Variants in UNC5C observed in about 807,000 individuals in gnomAD.
UNC5C encodes unc-5 netrin receptor C.
A neutral mutation model predicts 99.8 loss-of-function variants in UNC5C; 47 were observed. The ratio of observed to expected loss-of-function variants is 0.47; its 90% CI spans 0.37 to 0.60. The LOEUF is 0.60. Ranked by LOEUF, UNC5C falls within the 20% of genes least tolerant of loss-of-function variation. The pLI, the probability that UNC5C is intolerant of heterozygous loss-of-function variation, is 0.00. For synonymous variants in UNC5C, 487 were observed against 452.2 expected (o/e 1.08, Z -0.98); for missense variants, 1,062 against 1,165.9 (o/e 0.91, Z 1.30).
At chr4:95,466,652 G>A (rs1014011598) in intron 1 of UNC5C, among the ~76,000 whole-genome samples, 7 of 151,784 alleles carry the variant, frequency 4.6e-5, no homozygotes, top group African/African-American at 1.5e-4. Flanking sequence ...CTATGCTTGA[G>A]TTGAGCTATG....
chr4:95,281,632 G>A (rs999273741), intron 3 of UNC5C, among the ~76,000 whole-genome samples: 1 of 152,222 alleles, frequency 6.6e-6, no homozygotes, highest in Non-Finnish European at 1.5e-5. Flanking sequence ...TATTTGGAGA[G>A]CGCCAGAAGG....
At chr4:95,320,025 A>G (rs751731135) in intron 2 of UNC5C, among the ~76,000 whole-genome samples, 1 of 152,218 alleles carries the variant, frequency 6.6e-6, no homozygotes, top group Non-Finnish European at 1.5e-5. Context: ...GCTCTTTTGG[A>G]AGCGGACCAT....
chr4:95,227,436 A>C (rs143109369), intron 7 of UNC5C, among the ~76,000 whole-genome samples: 1 of 152,304 alleles, frequency 6.6e-6, no homozygotes, highest in East Asian at 1.9e-4. Flanking sequence ...TACAGGTGTG[A>C]GCCATCGCAC....
At chr4:95,399,673 T>A (rs73838206) in intron 1 of UNC5C, among the ~76,000 whole-genome samples, 17,949 of 152,202 alleles carry the variant, frequency 0.12, 1,728 homozygotes, top group African/African-American at 0.25. Flanking sequence ...TCCTCTTGAA[T>A]AACTTCTAGG....
intron 4 of UNC5C, among the ~76,000 whole-genome samples, chr4:95,275,459 C>T (rs1224432260): frequency 6.6e-6 from 1 of 152,124 alleles, no homozygotes; most frequent in Non-Finnish European, 1.5e-5. Flanking sequence ...TTATTATCTC[C>T]CCTTTATAGT....
chr4:95,526,697 G>GT (rs1460614476), intron 1 of UNC5C, among the ~76,000 whole-genome samples: 1 of 151,302 alleles, frequency 6.6e-6, no homozygotes, highest in Non-Finnish European at 1.5e-5. Context: ...ATGAATTAAA[G>GT]TTAAAAAAAA....
rs991282516 is a variant in UNC5C at position 95,206,031 on chromosome 4, T to C, written c.1902+597A>G. On this transcript the variant is annotated intron_variant, in intron 11 of 15. Transcript: ENST00000453304. ...TTTTTTTTTTTTTGAGATGGAATCT[T>C]ACTCTGTTGCCCAAGCTGGAGTGCA... 1.1e-4 allele frequency among the ~76,000 whole-genome samples: 17 copies of C among 151,562 alleles called. 1 individual carries two copies. In the South Asian group the frequency reaches 3.5e-3, roughly 32 times the overall value.
At chr4:95,227,850 AGATTTG>A (rs1168847661) in intron 7 of UNC5C, among the ~76,000 whole-genome samples, 21 of 152,188 alleles carry the variant, frequency 1.4e-4, no homozygotes, top group African/African-American at 4.8e-4. Context: ...TGTTTACTGT[AGATTTG>A]GATTAATCAT....
intron 1 of UNC5C, among the ~76,000 whole-genome samples, chr4:95,531,703 T>A (rs374729851): frequency 6.6e-6 from 1 of 152,244 alleles, no homozygotes; most frequent in Non-Finnish European, 1.5e-5. Flanking sequence ...GGGTTTAATA[T>A]GTACTCCAAA....
In UNC5C at chr4:95,447,398, G is replaced by A. The variant is rs185262458; in HGVS notation, c.124+101336C>T. Among the ~76,000 whole-genome samples the A allele has an allele frequency of 4.6e-3, 696 of 152,256 alleles. 6 individuals are homozygous for A. The highest frequency in any genetic ancestry group is 0.036 in the South Asian group (175 of 4,810). ...ACAAGGGCCCTGATTTATAGACAAG[G>A]AAAGTTATATTACAAAATGTAACAA... is the stretch of plus-strand genomic sequence containing the variant. On this transcript the variant is annotated intron_variant, in intron 1 of 15. Transcript: ENST00000453304.
At chr4:95,255,813 C>A (rs771627572) in intron 4 of UNC5C, among the ~76,000 whole-genome samples, 1 of 152,034 alleles carries the variant, frequency 6.6e-6, no homozygotes, top group Non-Finnish European at 1.5e-5. Flanking sequence ...TCTACTCACC[C>A]CCCGCCCACC....
At chr4:95,482,077 C>G (rs1460681170) in intron 1 of UNC5C, among the ~76,000 whole-genome samples, 1 of 152,036 alleles carries the variant, frequency 6.6e-6, no homozygotes, top group Non-Finnish European at 1.5e-5. Flanking sequence ...AGGCAACCTA[C>G]AAAATGGAAG....
chr4:95,462,254 A>G (rs532301791), intron 1 of UNC5C, among the ~76,000 whole-genome samples: 1 of 152,318 alleles, frequency 6.6e-6, no homozygotes, highest in Non-Finnish European at 1.5e-5. Context: ...ATATACAGTA[A>G]ATAGTTATAA....
intron 7 of UNC5C, among the ~76,000 whole-genome samples, chr4:95,225,143 G>A (rs899436278): frequency 2.6e-5 from 4 of 152,106 alleles, no homozygotes; most frequent in Non-Finnish European, 5.9e-5. Flanking sequence ...TGCAACCTCC[G>A]CCTCCCGGGT....
chr4:95,398,582 TA>T (rs1274933143), intron 1 of UNC5C, among the ~76,000 whole-genome samples: 1 of 152,168 alleles, frequency 6.6e-6, no homozygotes, highest in African/African-American at 2.4e-5. Context: ...CATTTGAAAA[TA>T]AAAACCCTCA....
At chr4:95,446,350 G>A (rs974481636) in intron 1 of UNC5C, among the ~76,000 whole-genome samples, 1 of 152,138 alleles carries the variant, frequency 6.6e-6, no homozygotes, top group Non-Finnish European at 1.5e-5. Flanking sequence ...CATTCCATAT[G>A]GTGATAGACT....
At chr4:95,363,726 C>G (rs1744466053) in intron 1 of UNC5C, among the ~76,000 whole-genome samples, 1 of 152,142 alleles carries the variant, frequency 6.6e-6, no homozygotes, top group South Asian at 2.1e-4. Flanking sequence ...GAGTTTCATG[C>G]AGATGCCGCT....
intron 1 of UNC5C, among the ~76,000 whole-genome samples, chr4:95,381,475 C>T (rs539384423): frequency 7.9e-5 from 12 of 152,122 alleles, no homozygotes; most frequent in Non-Finnish European, 4.4e-5. Context: ...AACAAACATG[C>T]CTTTTCTAGC....
At chr4:95,375,867 G>A (rs1744880019) in intron 1 of UNC5C, among the ~76,000 whole-genome samples, 1 of 152,104 alleles carries the variant, frequency 6.6e-6, no homozygotes, top group Non-Finnish European at 1.5e-5. Context: ...CACGAGGTCA[G>A]GAGATTGAGA....
Sources: allele counts gnomAD v4.1 joint callset (sites outside exome capture counted in the v4.1 genomes callset), GRCh38; gene constraint gnomAD v4.1.1; transcripts MANE v1.5; gene names NCBI Gene and HGNC (gene_info 2026-07-23, HGNC 2026-07-21).